The following GALNTL6 variants were observed in gnomAD, a reference collection of about 807,000 sequenced individuals.
The protein encoded by GALNTL6 is polypeptide N-acetylgalactosaminyltransferase like 6.
Under a neutral mutation model 73.7 loss-of-function variants are expected in GALNTL6, and 46 were observed. The ratio of observed to expected loss-of-function variants is 0.62; its 90% CI spans 0.49 to 0.80. The LOEUF (loss-of-function observed/expected upper bound fraction) is 0.80, where lower values mean the gene tolerates loss of function less well. Ranked by LOEUF, GALNTL6 falls within the 30% of genes least tolerant of loss-of-function variation. The pLI, the probability that GALNTL6 is intolerant of heterozygous loss-of-function variation, is 0.00. For synonymous variants in GALNTL6, 259 were observed against 263.7 expected (o/e 0.98, Z 0.17); for missense variants, 604 against 755.0 (o/e 0.80, Z 2.34).
intron 5 of GALNTL6, among the ~76,000 whole-genome samples, chr4:172,609,771 C>G (rs957815991): frequency 1.3e-4 from 20 of 151,466 alleles, no homozygotes; most frequent in African/African-American, 4.6e-4. Context: ...GGAATTATAC[C>G]AGCTCTTCTT....
chr4:172,042,490 C>A (rs1019953511), intron 2 of GALNTL6, among the ~76,000 whole-genome samples: 17 of 151,978 alleles, frequency 1.1e-4, no homozygotes, highest in African/African-American at 2.4e-5. Context: ...CGTTTTATAG[C>A]ACTTCAAACT....
rs540419046 is a variant in GALNTL6, at chr4:172,300,256, A to G, written c.248-11358A>G. On this transcript the variant is annotated intron_variant, in intron 3 of 12. Coordinates refer to ENST00000506823, the MANE Select transcript of GALNTL6 (RefSeq NM_001034845.3). ...TCCTTCATCCCTTTATTTTGAGCCC[A>G]TGTGTGTCTCTGCATGTGAGATGGG... Among the ~76,000 whole-genome samples, 9 of 152,112 alleles carry G rather than the reference A, an allele frequency of 5.9e-5. No individual in the cohort carries two copies. The South Asian group carries it at 1.7e-3, about 28-fold the overall frequency.
intron 2 of GALNTL6, among the ~76,000 whole-genome samples, chr4:172,122,113 T>C (rs1396165464): frequency 6.6e-6 from 1 of 151,226 alleles, no homozygotes; most frequent in Non-Finnish European, 1.5e-5. Flanking sequence ...AATTTTATCA[T>C]CTAGTATCCC....
intron 5 of GALNTL6, among the ~76,000 whole-genome samples, chr4:172,672,428 G>C (rs1397834562): frequency 6.6e-6 from 1 of 152,122 alleles, no homozygotes; most frequent in African/African-American, 2.4e-5. Context: ...ATTTTGTTGA[G>C]GATTTTTGCA....
intron 5 of GALNTL6, among the ~76,000 whole-genome samples, chr4:172,785,910 T>A (rs1739626452): frequency 1.3e-5 from 2 of 152,192 alleles, no homozygotes. Context: ...TTGAGGAAAC[T>A]TTAGGTCTTC....
Position 172,355,094 on chromosome 4 carries a change from T to C in GALNTL6, c.553+6405T>C, listed in dbSNP as rs115574332. On this transcript the variant is annotated intron_variant, in intron 5 of 12. Transcript: ENST00000506823. ...AGATACTATAGAAATATATATTTTT[T>C]CTTAATAAATTGCATTATGGATTAG... Among the ~76,000 whole-genome samples the C allele has an allele frequency of 2.5e-3, 373 of 152,164 alleles. 2 individuals are homozygous for C. Among genetic ancestry groups the C allele is most frequent in the African/African-American group, 8.2e-3 (342 of 41,560 alleles).
intron 4 of GALNTL6, among the ~76,000 whole-genome samples, chr4:172,344,670 A>G (rs910804845): frequency 1.3e-5 from 2 of 152,192 alleles, no homozygotes; most frequent in Admixed American, 6.5e-5. Flanking sequence ...AAGATTCTTC[A>G]TGATCTGTTC....
intron 5 of GALNTL6, among the ~76,000 whole-genome samples, chr4:172,751,373 C>T (rs1297444164): frequency 6.6e-6 from 1 of 152,154 alleles, no homozygotes; most frequent in Non-Finnish European, 1.5e-5. Context: ...GTAACCATGG[C>T]CTTAAGAAGT....
In GALNTL6 at chr4:172,337,091, CT is replaced by C. The variant is rs199578523; in HGVS notation, c.387-11431del. 8.1e-4 allele frequency among the ~76,000 whole-genome samples: 123 copies of C among 152,252 alleles called. 2 individuals are homozygous for C. In the South Asian group the frequency reaches 0.016, roughly 20 times the overall value. ...TTATCTGATACAGGAATAGTGACCC[CT>C]GCTCTTTTTTGTTTTCCATTTGTGT... is the stretch of plus-strand genomic sequence containing the variant. On this transcript the variant is annotated intron_variant, in intron 4 of 12. Transcript: ENST00000506823.
At chr4:172,444,381 A>C (rs116010398) in intron 5 of GALNTL6, among the ~76,000 whole-genome samples, 1 of 152,134 alleles carries the variant, frequency 6.6e-6, no homozygotes, top group Non-Finnish European at 1.5e-5. Flanking sequence ...ACTCTTTGCT[A>C]TCAATAATTA....
chr4:172,880,420 T>G (rs1022645895), intron 7 of GALNTL6, among the ~76,000 whole-genome samples: 2 of 152,070 alleles, frequency 1.3e-5, no homozygotes, highest in African/African-American at 4.8e-5. Context: ...AAATGTATAC[T>G]GTATAATTCT....
At chr4:172,794,818 C>A (rs1315709243) in intron 5 of GALNTL6, among the ~76,000 whole-genome samples, 1 of 152,146 alleles carries the variant, frequency 6.6e-6, no homozygotes, top group Non-Finnish European at 1.5e-5. Flanking sequence ...TCCTTTTGTC[C>A]TTCCCTACTC....
chr4:172,533,257 C>T (rs1735229159), intron 5 of GALNTL6, among the ~76,000 whole-genome samples: 1 of 150,930 alleles, frequency 6.6e-6, no homozygotes, highest in Non-Finnish European at 1.5e-5. Context: ...AGGTGATCCA[C>T]CCACGTCAGC....
intron 2 of GALNTL6, among the ~76,000 whole-genome samples, chr4:171,922,087 T>C (rs2110980418): frequency 6.6e-6 from 1 of 152,090 alleles, no homozygotes; most frequent in South Asian, 2.1e-4. Context: ...TGTGTGTGTG[T>C]GTGTGGTGTG....
chr4:172,977,980 C>T (rs1182350025), intron 10 of GALNTL6, among the ~76,000 whole-genome samples: 2 of 152,100 alleles, frequency 1.3e-5, no homozygotes, highest in Non-Finnish European at 2.9e-5. Flanking sequence ...GCTGGGATTA[C>T]AGGCACCCGC....
chr4:172,283,704 TATA>T (rs1262404184), intron 3 of GALNTL6, among the ~76,000 whole-genome samples: 1 of 152,154 alleles, frequency 6.6e-6, no homozygotes, highest in Non-Finnish European at 1.5e-5. Context: ...ACAGACTGAA[TATA>T]ATGCCATATT....
intron 2 of GALNTL6, among the ~76,000 whole-genome samples, chr4:171,992,935 T>TAA (rs1740381581): frequency 2.0e-5 from 3 of 152,232 alleles, no homozygotes; most frequent in Admixed American, 2.0e-4. Flanking sequence ...CATCTACTTC[T>TAA]TACATTTCAC....
In GALNTL6 at chr4:172,596,237, C is replaced by G. The variant is rs189373415; in HGVS notation, c.554-213124C>G. On this transcript the variant is annotated intron_variant, in intron 5 of 12. Coordinates refer to ENST00000506823, the MANE Select transcript of GALNTL6 (RefSeq NM_001034845.3). ...TTGGGAGGTTGAGACAGATGAATCA[C>G]TTGAGCTCAGGAGTTTGAGACCAGC... Among the ~76,000 whole-genome samples, 19 of 152,082 alleles carry G rather than the reference C, an allele frequency of 1.2e-4. No homozygotes were observed. In the East Asian group the frequency reaches 2.9e-3, roughly 23 times the overall value.
chr4:172,076,052 T>C (rs1455749132), intron 2 of GALNTL6, among the ~76,000 whole-genome samples: 1 of 152,168 alleles, frequency 6.6e-6, no homozygotes, highest in South Asian at 2.1e-4. Context: ...AAAAATTCCT[T>C]TGGATAAAAA....
Sources: gnomAD v4.1 joint callset for allele counts (sites outside exome capture counted in the v4.1 genomes callset) on GRCh38, gnomAD v4.1.1 for gene constraint, MANE v1.5 for transcripts, NCBI Gene and HGNC (gene_info 2026-07-23, HGNC 2026-07-21) for gene names.